ERBB4: variants seen among roughly 807,000 people sequenced by gnomAD.
ERBB4 encodes receptor tyrosine-protein kinase erbB-4.
Under a neutral mutation model 158.0 loss-of-function variants are expected in ERBB4, and 42 were observed. The ratio of observed to expected loss-of-function variants is 0.27; its 90% CI spans 0.21 to 0.34. ERBB4 has a LOEUF of 0.34. ERBB4 is among the 10% of genes least tolerant of loss of function. ERBB4 has a pLI of 1.00. For missense variants in ERBB4, 1,333 were observed against 1,624.1 expected, an observed-to-expected ratio of 0.82 and a Z score of 3.08; for synonymous variants, 583 against 558.7, an observed-to-expected ratio of 1.04 and a Z score of -0.61.
intron 1 of ERBB4, among the ~76,000 whole-genome samples, chr2:212,327,539 T>C (rs2087906075): frequency 6.6e-6 from 1 of 151,834 alleles, no homozygotes. Flanking sequence ...TTGCTTGATC[T>C]CCTGGTCTTG....
At chr2:211,500,857 C>T (rs2065597631) in intron 20 of ERBB4, among the ~76,000 whole-genome samples, 1 of 151,924 alleles carries the variant, frequency 6.6e-6, no homozygotes, top group Non-Finnish European at 1.5e-5. Context: ...AAAAGAGTGA[C>T]TCCTTTGGTA....
At position 212,199,650 on chromosome 2, in the gene ERBB4, G is replaced by A. The variant is rs113905961; in HGVS notation, c.83-74747C>T. ...GTTTATCTTGAGACCAGCTTTATCT[G>A]AGTAAGCAGCTATACTTCAGAATTC... On this transcript the variant is annotated intron_variant, in intron 1 of 27. Coordinates refer to ENST00000342788, the MANE Select transcript of ERBB4 (RefSeq NM_005235.3). Among the ~76,000 whole-genome samples, 730 of 152,230 alleles carry A rather than the reference G, an allele frequency of 4.8e-3. 7 individuals are homozygous for A. Among genetic ancestry groups the A allele is most frequent in the Middle Eastern group, 0.017 (5 of 294 alleles).
chr2:212,278,697 C>T (rs1209491376), intron 1 of ERBB4, among the ~76,000 whole-genome samples: 5 of 151,546 alleles, frequency 3.3e-5, no homozygotes, highest in Non-Finnish European at 3.0e-5. Flanking sequence ...AAGTAAGGCA[C>T]ATTTGGTAGC....
chr2:212,048,556 C>T (rs2077316422), intron 2 of ERBB4, among the ~76,000 whole-genome samples: 1 of 152,098 alleles, frequency 6.6e-6, no homozygotes, highest in Non-Finnish European at 1.5e-5. Flanking sequence ...ATATTTGGCT[C>T]AAGCAACAAC....
At chr2:212,324,362 G>A (rs1437528192) in intron 1 of ERBB4, among the ~76,000 whole-genome samples, 6 of 150,382 alleles carry the variant, frequency 4.0e-5, no homozygotes, top group African/African-American at 1.2e-4. Context: ...ATAGTCTGTC[G>A]GCCTCTCACT....
At chr2:211,993,014 T>C (rs1029303002) in intron 2 of ERBB4, among the ~76,000 whole-genome samples, 6 of 152,278 alleles carry the variant, frequency 3.9e-5, no homozygotes, top group African/African-American at 1.4e-4. Flanking sequence ...AGTGAGTAAA[T>C]CTGATAGCCC....
intron 20 of ERBB4, among the ~76,000 whole-genome samples, chr2:211,490,975 G>T (rs1421351208): frequency 1.3e-5 from 2 of 152,086 alleles, no homozygotes; most frequent in Non-Finnish European, 2.9e-5. Flanking sequence ...GGATAGATGA[G>T]ACTCCTCATT....
chr2:211,913,276 T>C (rs2079585179), intron 3 of ERBB4, among the ~76,000 whole-genome samples: 1 of 152,128 alleles, frequency 6.6e-6, no homozygotes, highest in African/African-American at 2.4e-5. Context: ...TGTGGCCTTT[T>C]GAGGACAATT....
At chr2:212,047,645 T>C (rs2077290975) in intron 2 of ERBB4, among the ~76,000 whole-genome samples, 2 of 150,926 alleles carry the variant, frequency 1.3e-5, no homozygotes, top group Admixed American at 1.3e-4. Flanking sequence ...GCTAATTTTT[T>C]TTTTTTTTTT....
chr2:211,700,190 A>G (rs555375679), intron 12 of ERBB4, among the ~76,000 whole-genome samples: 6 of 152,166 alleles, frequency 3.9e-5, no homozygotes, highest in Non-Finnish European at 5.9e-5. Context: ...AGAAGATTCT[A>G]TCTTATTGCC....
At chr2:212,146,160 C>G (rs1413440086) in intron 1 of ERBB4, among the ~76,000 whole-genome samples, 1 of 152,104 alleles carries the variant, frequency 6.6e-6, no homozygotes, top group Non-Finnish European at 1.5e-5. Context: ...GCTTTCAGCC[C>G]AATAATTTAG....
chr2:211,985,148 C>A (rs1163042146), intron 2 of ERBB4, among the ~76,000 whole-genome samples: 1 of 152,106 alleles, frequency 6.6e-6, no homozygotes, highest in African/African-American at 2.4e-5. Context: ...AGACTCTTAC[C>A]ACTGTCGGAA....
chr2:212,360,857 A>G (rs1000012594), intron 1 of ERBB4, among the ~76,000 whole-genome samples: 3 of 151,698 alleles, frequency 2.0e-5, no homozygotes, highest in African/African-American at 7.2e-5. Flanking sequence ...ACTATTTGTG[A>G]GTTAATCAGG....
intron 4 of ERBB4, among the ~76,000 whole-genome samples, chr2:211,753,718 T>C (rs2106218042): frequency 6.7e-6 from 1 of 149,890 alleles, no homozygotes; most frequent in South Asian, 2.1e-4. Context: ...AAGCACAGGC[T>C]TCGATATGTC....
chr2:212,506,100 T>G lies in ERBB4; in HGVS notation c.82+32349A>C, dbSNP rs545766386. Among the ~76,000 whole-genome samples, 3 of 148,970 alleles carry G rather than the reference T, an allele frequency of 2.0e-5. No homozygotes were observed. In the South Asian group the frequency reaches 6.4e-4, roughly 32 times the overall value. ...TGGAAATTCTCACAATATTTCAAAC[T>G]TTATTATTATATCTATTATGGTGAT... On this transcript the variant is annotated intron_variant, in intron 1 of 27. Coordinates refer to ENST00000342788, the MANE Select transcript of ERBB4 (RefSeq NM_005235.3).
chr2:211,717,296 G>A (rs911217496), intron 7 of ERBB4, among the ~76,000 whole-genome samples: 2 of 152,140 alleles, frequency 1.3e-5, no homozygotes, highest in Non-Finnish European at 2.9e-5. Context: ...GACATATAGG[G>A]TGACTTTAGA....
chr2:212,010,929 T>C (rs527545219), intron 2 of ERBB4, among the ~76,000 whole-genome samples: 2 of 152,288 alleles, frequency 1.3e-5, no homozygotes, highest in Admixed American at 1.3e-4. Context: ...CATCCATTTA[T>C]AGGCTCTCTA....
chr2:211,561,642 T>C, intron 20 of ERBB4: 1 of 473,282 alleles, frequency 2.1e-6, no homozygotes, highest in Non-Finnish European at 3.9e-6. Flanking sequence ...TAACAATTCC[T>C]CCCCCTGACT....
chr2:212,019,682 G>GA (rs1403829208), intron 2 of ERBB4, among the ~76,000 whole-genome samples: 1 of 143,984 alleles, frequency 6.9e-6, no homozygotes, highest in Non-Finnish European at 1.5e-5. Flanking sequence ...AGAATTGCTT[G>GA]AACCCAGGAG....
Sources: gnomAD v4.1 joint callset for allele counts (sites outside exome capture counted in the v4.1 genomes callset) on GRCh38, gnomAD v4.1.1 for gene constraint, MANE v1.5 for transcripts, NCBI Gene and HGNC (gene_info 2026-07-23, HGNC 2026-07-21) for gene names.